The following TTLL5 variants were observed in gnomAD, a reference collection of about 807,000 sequenced individuals.
TTLL5 encodes tubulin tyrosine ligase like 5.
In TTLL5, 132 loss-of-function variants were observed where a neutral mutation model predicts 168.4. The observed-to-expected ratio is 0.78, with a 90% CI of 0.68 to 0.91. TTLL5 has a LOEUF of 0.91. Ranked by LOEUF, TTLL5 falls within the 40% of genes least tolerant of loss-of-function variation. TTLL5 has a pLI of 0.00. For synonymous variants in TTLL5, 546 were observed against 558.6 expected, an observed-to-expected ratio of 0.98 and a Z score of 0.32; for missense variants, 1,545 against 1,581.5, an observed-to-expected ratio of 0.98 and a Z score of 0.39.
At chr14:75,871,739 A>G (rs2139984728) in intron 29 of TTLL5, among the ~76,000 whole-genome samples, 1 of 152,318 alleles carries the variant, frequency 6.6e-6, no homozygotes, top group South Asian at 2.1e-4. Context: ...GAGATGATGA[A>G]AGACTTCAAT....
At chr14:75,870,042 A>G (rs1595178773) in intron 29 of TTLL5, among the ~76,000 whole-genome samples, 1 of 151,920 alleles carries the variant, frequency 6.6e-6, no homozygotes, top group South Asian at 2.1e-4. Context: ...GACGGTCTTG[A>G]ACTCCTGACC....
chr14:75,813,360 G>A (rs1359099252), intron 27 of TTLL5, among the ~76,000 whole-genome samples: 1 of 151,538 alleles, frequency 6.6e-6, no homozygotes, highest in Non-Finnish European at 1.5e-5. Context: ...GGAGTGCAGT[G>A]GTGTGATCTC....
intron 28 of TTLL5, among the ~76,000 whole-genome samples, chr14:75,863,366 A>G (rs1187773600): frequency 6.6e-6 from 1 of 152,176 alleles, no homozygotes; most frequent in African/African-American, 2.4e-5. Context: ...TCTGGCAATC[A>G]CAGGGGAATG....
At position 75,876,722 on chromosome 14, in the gene TTLL5, G is replaced by A. The variant is rs995625013; in HGVS notation, c.3523-5963G>A. ...CTCAGCACCCAGTCTTGTCCCAGCC[G>A]ACAAACACTGTGAATGGAAGACAGC... On this transcript the variant is annotated intron_variant, in intron 29 of 31. Coordinates refer to ENST00000298832, the MANE Select transcript of TTLL5 (RefSeq NM_015072.5). Among the ~76,000 whole-genome samples, 12 of 152,180 alleles carry A rather than the reference G, an allele frequency of 7.9e-5. 1 individual carries two copies. The East Asian group carries it at 1.7e-3, about 22-fold the overall frequency.
rs112201949 is a variant in TTLL5 at position 75,753,119 on chromosome 14, A to G, written c.1550+164A>G. On this transcript the variant is annotated intron_variant, in intron 18 of 31. Coordinates refer to ENST00000298832, the MANE Select transcript of TTLL5 (RefSeq NM_015072.5). ...ATCATGACTCATTTTTCCAGAATTT[A>G]TCATGAACTCTCAGCACTTTGTAAC... 9.1e-3 allele frequency among the ~76,000 whole-genome samples: 1,392 copies of G among 152,358 alleles called. 30 individuals are homozygous for G. The highest frequency in any genetic ancestry group is 0.032 in the African/African-American group (1,335 of 41,582).
chr14:75,954,645 ATCT>A lies in TTLL5; in HGVS notation c.*203_*205del, dbSNP rs2035057727. ...TTTCACTGGGACAACAAGAAAGCAG[ATCT>A]TCTGGGTTTTGATGGAACTTGGCAG... On this transcript the variant is annotated 3_prime_UTR_variant, in exon 32 of 32. Coordinates refer to ENST00000298832, the MANE Select transcript of TTLL5 (RefSeq NM_015072.5). The A allele has an allele frequency of 1.6e-6, 1 of 610,584 alleles. No individual in the cohort carries two copies. Among genetic ancestry groups the A allele is most frequent in the Admixed American group, 2.9e-5 (1 of 34,554 alleles). 37.8% of individuals were successfully genotyped at this position (610,584 alleles called of 1,614,324 possible).
intron 24 of TTLL5, among the ~76,000 whole-genome samples, chr14:75,780,926 A>G (rs979949155): frequency 1.3e-5 from 2 of 152,178 alleles, no homozygotes; most frequent in Non-Finnish European, 2.9e-5. Context: ...TAGGGATACA[A>G]TGACCAGGAC....
chr14:75,814,011 G>A (rs1692542724), intron 27 of TTLL5, among the ~76,000 whole-genome samples: 1 of 152,132 alleles, frequency 6.6e-6, no homozygotes, highest in Admixed American at 6.5e-5. Flanking sequence ...TCCTAATATA[G>A]GTTGAGTGTC....
chr14:75,667,291 C>G (rs1002027823), intron 2 of TTLL5, among the ~76,000 whole-genome samples: 6 of 152,232 alleles, frequency 3.9e-5, no homozygotes, highest in Admixed American at 6.5e-5. Flanking sequence ...GTGGTGCCAG[C>G]TGGTAGCTAG....
chr14:75,821,518 A>C (rs117866842), intron 28 of TTLL5, among the ~76,000 whole-genome samples: 2,694 of 152,346 alleles, frequency 0.018, 30 homozygotes, highest in Admixed American at 0.028. Context: ...TCTGTATGAC[A>C]AGGCTACAGG....
In TTLL5 at chr14:75,811,243, G is replaced by A. The variant is rs560801033; in HGVS notation, c.3172-8764G>A. ...GGTCTGCAACCAAGGTTCTCATATA[G>A]CATGGTTCTGTCAGAACCTGTGAGC... On this transcript the variant is annotated intron_variant, in intron 27 of 31. Transcript: ENST00000298832. Among the ~76,000 whole-genome samples the A allele has an allele frequency of 8.0e-5, 12 of 150,830 alleles. No individual in the cohort carries two copies. The East Asian group carries it at 2.3e-3, about 29-fold the overall frequency.
At chr14:75,687,130 TCATAGA>T (rs1885118922) in intron 5 of TTLL5, among the ~76,000 whole-genome samples, 1 of 152,118 alleles carries the variant, frequency 6.6e-6, no homozygotes, top group African/African-American at 2.4e-5. Context: ...GAAATAAGGG[TCATAGA>T]CCTAAAAATA....
In TTLL5 at chr14:75,766,106, A is replaced by G. The variant is rs202108438; in HGVS notation, c.1753A>G (p.Ser585Gly). 1.2e-6 allele frequency: 2 copies of G among 1,613,950 alleles called. No individual in the cohort carries two copies. The highest frequency in any genetic ancestry group is 4.5e-5 in the East Asian group (2 of 44,854). The stretch of plus-strand genomic sequence containing the variant: ...AATGAATGTTAAAACTGAGACAGAG[A>G]GTGAAGAGGAGGAAGAAGTCGCATT... ...AEMNVKTETE[S>G]EEEEEVALDN... The change falls in exon 20 of 32, where the codon AGT becomes GGT. Residue 585 changes from serine (S) to glycine (G), a missense_variant. By Grantham distance (56) the Ser-to-Gly change is moderately conservative. Transcript: ENST00000298832.
At chr14:75,823,313 A>G (rs1371845022) in intron 28 of TTLL5, among the ~76,000 whole-genome samples, 1 of 152,234 alleles carries the variant, frequency 6.6e-6, no homozygotes, top group Non-Finnish European at 1.5e-5. Context: ...GTGCAGAGCC[A>G]TCTCATCATT....
chr14:75,889,342 A>G (rs1003560940), intron 30 of TTLL5, among the ~76,000 whole-genome samples: 10 of 152,252 alleles, frequency 6.6e-5, no homozygotes, highest in Middle Eastern at 3.2e-3. Context: ...AGTCAGTAGT[A>G]TAGGCAAAAA....
intron 26 of TTLL5, among the ~76,000 whole-genome samples, chr14:75,786,264 A>G (rs567386559): frequency 2.0e-4 from 30 of 152,318 alleles, no homozygotes; most frequent in African/African-American, 6.7e-4. Context: ...TTCCCCATGT[A>G]AGAAATTCAG....
At chr14:75,736,723 T>C (rs986663157) in intron 15 of TTLL5, among the ~76,000 whole-genome samples, 19 of 152,322 alleles carry the variant, frequency 1.2e-4, no homozygotes, top group Non-Finnish European at 2.9e-5. Context: ...ATTCAGTCTA[T>C]GCCTATCTAT....
intron 4 of TTLL5, among the ~76,000 whole-genome samples, chr14:75,681,913 G>A (rs1393066569): frequency 1.3e-5 from 2 of 152,008 alleles, no homozygotes; most frequent in Non-Finnish European, 1.5e-5. Flanking sequence ...ACCCAATTAA[G>A]GTTCTTTGAT....
At chr14:75,732,450 A>C in intron 13 of TTLL5, 31 bp downstream of exon 13, 1 of 1,597,914 alleles carries the variant, frequency 6.3e-7, no homozygotes, top group African/African-American at 1.3e-5. Context: ...AAAAAAGGAC[A>C]AATCTTCAAG....
Sources: gnomAD v4.1 joint callset for allele counts (sites outside exome capture counted in the v4.1 genomes callset) on GRCh38, gnomAD v4.1.1 for gene constraint, MANE v1.5 for transcripts, NCBI Gene and HGNC (gene_info 2026-07-23, HGNC 2026-07-21) for gene names.